EYS: variants seen among roughly 807,000 people sequenced by gnomAD.
The protein encoded by EYS is protein eyes shut homolog.
EYS carries 250 observed loss-of-function variants against 282.1 expected under a neutral mutation model. The ratio of observed to expected loss-of-function variants is 0.89; its 90% confidence interval spans 0.80 to 0.98. EYS has a LOEUF of 0.98. Among genes scored for constraint, EYS ranks in the 50% least tolerant of loss-of-function variants. The pLI, the probability that EYS is intolerant of heterozygous loss-of-function variation, is 0.00. For synonymous variants in EYS, 1,355 were observed against 1,282.9 expected (o/e 1.06, Z -1.20); for missense variants, 4,016 against 3,709.0 (o/e 1.08, Z -2.15).
At chr6:65,419,131 G>A (rs189666864) in intron 5 of EYS, among the ~76,000 whole-genome samples, 75 of 151,396 alleles carry the variant, frequency 5.0e-4, no homozygotes, top group Non-Finnish European at 9.4e-4. Context: ...TTTTTCAGGA[G>A]CAGAGCTATT....
At chr6:64,649,066 T>C (rs1164253029) in intron 22 of EYS, among the ~76,000 whole-genome samples, 2 of 152,118 alleles carry the variant, frequency 1.3e-5, no homozygotes, top group Non-Finnish European at 2.9e-5. Context: ...GAAGAAATGA[T>C]TTAGAAGATC....
At chr6:64,337,033 A>C (rs1454209524) in intron 29 of EYS, among the ~76,000 whole-genome samples, 1 of 152,086 alleles carries the variant, frequency 6.6e-6, no homozygotes, top group African/African-American at 2.4e-5. Context: ...CTGAAAGAGC[A>C]CAAACTGACA....
chr6:65,065,287 A>T (rs766464508), intron 12 of EYS, among the ~76,000 whole-genome samples: 5 of 152,180 alleles, frequency 3.3e-5, no homozygotes, highest in Non-Finnish European at 7.3e-5. Context: ...TTCCCAGATG[A>T]TAATCTGCTA....
intron 12 of EYS, among the ~76,000 whole-genome samples, chr6:65,291,432 G>T (rs988037378): frequency 2.0e-5 from 3 of 151,364 alleles, no homozygotes; most frequent in African/African-American, 7.3e-5. Flanking sequence ...TTTTCTTCAA[G>T]TTAGGTACAT....
At chr6:65,394,005 G>A (rs1414129905) in intron 7 of EYS, among the ~76,000 whole-genome samples, 1 of 151,962 alleles carries the variant, frequency 6.6e-6, no homozygotes, top group African/African-American at 2.4e-5. Context: ...CTAATATTTA[G>A]TCAGTGGCAT....
At chr6:64,686,469 C>A (rs535589626) in intron 22 of EYS, among the ~76,000 whole-genome samples, 73 of 151,450 alleles carry the variant, frequency 4.8e-4, no homozygotes, top group African/African-American at 1.7e-3. Flanking sequence ...AGGGTGAGCG[C>A]GGTGGCTCAC....
chr6:64,623,619 G>T (rs1767513624), intron 23 of EYS, among the ~76,000 whole-genome samples: 1 of 152,084 alleles, frequency 6.6e-6, no homozygotes, highest in South Asian at 2.1e-4. Flanking sequence ...CGAGACAGAG[G>T]TGCTGAAAAA....
chr6:64,750,534 G>T (rs1409206600), intron 22 of EYS, among the ~76,000 whole-genome samples: 2 of 151,650 alleles, frequency 1.3e-5, no homozygotes, highest in Non-Finnish European at 2.9e-5. Flanking sequence ...AAAAAGAAAA[G>T]ATAAGAGCTA....
intron 26 of EYS, among the ~76,000 whole-genome samples, chr6:64,531,527 C>T (rs1582860017): frequency 7.3e-6 from 1 of 136,304 alleles, no homozygotes; most frequent in Admixed American, 7.6e-5. Context: ...TCTGGGACTG[C>T]AAGTGCCCGC....
At chr6:63,982,484 T>C (rs1342456454) in intron 35 of EYS, among the ~76,000 whole-genome samples, 5 of 151,856 alleles carry the variant, frequency 3.3e-5, no homozygotes, top group Admixed American at 6.6e-5. Context: ...TTGCTGGTTG[T>C]CAGCCAGGGG....
chr6:64,237,729 A>G (rs545538775), intron 30 of EYS, among the ~76,000 whole-genome samples: 36 of 152,216 alleles, frequency 2.4e-4, no homozygotes, highest in East Asian at 5.8e-4. Flanking sequence ...CCAAAATTTT[A>G]TGTTGTTTTT....
At chr6:64,581,742 C>T (rs966847972) in intron 26 of EYS, among the ~76,000 whole-genome samples, 6 of 152,096 alleles carry the variant, frequency 3.9e-5, no homozygotes, top group African/African-American at 1.4e-4. Context: ...CATACTGTGG[C>T]TCCACCAAAA....
chr6:65,263,858 A>G (rs1767682285), intron 12 of EYS, among the ~76,000 whole-genome samples: 1 of 151,878 alleles, frequency 6.6e-6, no homozygotes. Context: ...CTATAATTGC[A>G]CCTGGAAATA....
intron 12 of EYS, among the ~76,000 whole-genome samples, chr6:65,075,723 G>A (rs201946515): frequency 2.6e-5 from 4 of 151,668 alleles, no homozygotes; most frequent in Admixed American, 1.3e-4. Context: ...GGTAATATTT[G>A]AGTTTCTCAC....
intron 35 of EYS, among the ~76,000 whole-genome samples, chr6:63,964,083 C>G (rs57513302): frequency 0.015 from 2,275 of 152,226 alleles, 56 homozygotes; most frequent in African/African-American, 0.051. Context: ...AGAACAGTAA[C>G]AGTTTTTTTT....
chr6:63,864,362 A>T lies in EYS; in HGVS notation c.7056-4T>A. The T allele has an allele frequency of 6.5e-7, 1 of 1,548,836 alleles. No homozygotes were observed. Among genetic ancestry groups the T allele is most frequent in the East Asian group, 2.4e-5 (1 of 40,874 alleles). ...ACAAAACAGATTTTCATTATCACTG[A>T]GAAGGGAAAAAATTTAAAAATTCAT... is the stretch of plus-strand genomic sequence containing the variant. On this transcript the variant is annotated splice_region_variant and splice_polypyrimidine_tract_variant and intron_variant, in intron 35 of 42. Transcript: ENST00000503581.
At chr6:65,435,400 T>G (rs1359972590) in intron 5 of EYS, among the ~76,000 whole-genome samples, 1 of 151,552 alleles carries the variant, frequency 6.6e-6, no homozygotes, top group Non-Finnish European at 1.5e-5. Context: ...GTTTTATATA[T>G]ATGAATACAA....
chr6:65,496,291 A>T (rs1479755351), intron 2 of EYS, among the ~76,000 whole-genome samples: 1 of 152,122 alleles, frequency 6.6e-6, no homozygotes, highest in Non-Finnish European at 1.5e-5. Context: ...AAATGGTAGT[A>T]ACTGAAAGGA....
chr6:63,781,413 C>T (rs1203162818), intron 39 of EYS, among the ~76,000 whole-genome samples: 2 of 152,134 alleles, frequency 1.3e-5, no homozygotes, highest in Non-Finnish European at 2.9e-5. Context: ...TTTGTGTCCT[C>T]TTTTATTTCA....
Sources: allele counts gnomAD v4.1 joint callset (sites outside exome capture counted in the v4.1 genomes callset), GRCh38; gene constraint gnomAD v4.1.1; transcripts MANE v1.5; gene names NCBI Gene and HGNC (gene_info 2026-07-23, HGNC 2026-07-21).